ILRUN: variants seen among roughly 807,000 people sequenced by gnomAD.
ILRUN encodes protein ILRUN.
In ILRUN, 3 loss-of-function variants were observed where a neutral mutation model predicts 33.8. The observed-to-expected ratio is 0.09, with a 90% confidence interval of 0.04 to 0.23. The LOEUF (loss-of-function observed/expected upper bound fraction) is 0.23. ILRUN is among the 10% of genes least tolerant of loss of function. ILRUN has a pLI of 1.00. For synonymous variants in ILRUN, 124 were observed against 138.9 expected, an observed-to-expected ratio of 0.89 and a Z score of 0.75; for missense variants, 210 against 375.1, an observed-to-expected ratio of 0.56 and a Z score of 3.64.
In ILRUN at chr6:34,696,730, C is replaced by G; in HGVS notation, c.-127G>C. 1.1e-6 allele frequency: 1 copy of G among 924,828 alleles called. No individual in the cohort carries two copies. Among genetic ancestry groups the G allele is most frequent in the Non-Finnish European group, 1.6e-6 (1 of 623,062 alleles). The allele number at this position is 924,828 out of a possible 1,614,324, so 57.3% of individuals were successfully genotyped here. ...CGACCCCGCTCCTTTGAGGTAGGCC[C>G]CGGGCCTCTCACAGTCTCATAGGGG... On this transcript the variant is annotated 5_prime_UTR_variant, in exon 1 of 5. Transcript: ENST00000374023.
intron 3 of ILRUN, among the ~76,000 whole-genome samples, chr6:34,632,962 T>G (rs1478391937): frequency 6.6e-6 from 1 of 152,220 alleles, no homozygotes; most frequent in African/African-American, 2.4e-5. Context: ...ATAATTATAT[T>G]AAATGTGAAT....
At position 34,590,415 on chromosome 6, in the gene ILRUN, G is replaced by T. The variant is rs893984185; in HGVS notation, c.*150C>A. On this transcript the variant is annotated 3_prime_UTR_variant, in exon 5 of 5. Coordinates refer to ENST00000374023, the MANE Select transcript of ILRUN (RefSeq NM_024294.4). ...TACTGAGTTTACTCAAAACTAGTCT[G>T]TTCTGCTTCTTCCTCTTCTTCCGGG... 2.7e-5 allele frequency: 30 copies of T among 1,123,058 alleles called. No homozygotes were observed. The highest frequency in any genetic ancestry group is 3.6e-5 in the Non-Finnish European group (29 of 794,618). 69.6% of individuals were successfully genotyped at this position (1,123,058 alleles called of 1,614,324 possible).
intron 1 of ILRUN, among the ~76,000 whole-genome samples, chr6:34,666,810 T>C (rs1763016389): frequency 6.6e-6 from 1 of 152,218 alleles, no homozygotes; most frequent in South Asian, 2.1e-4. Flanking sequence ...CCTGTTGTAC[T>C]TGCAAACAAT....
At chr6:34,673,830 CAT>C (rs1338010085) in intron 1 of ILRUN, among the ~76,000 whole-genome samples, 2 of 122,842 alleles carry the variant, frequency 1.6e-5, no homozygotes, top group Admixed American at 1.6e-4. Flanking sequence ...GTAACAACCA[CAT>C]ACACACACAC....
chr6:34,677,947 C>CAAAAAAAAA (rs200840957), intron 1 of ILRUN, among the ~76,000 whole-genome samples: 2 of 74,370 alleles, frequency 2.7e-5, no homozygotes, highest in Non-Finnish European at 2.8e-5. Context: ...ATCCTGCCTC[C>CAAAAAAAAA]AAAAAAAAAA....
rs181275247 is a variant in ILRUN, at chr6:34,587,865, C to T, written c.*2700G>A. ...TTCCCAAGTCTGAACCCCTCTGTCTCCCCAACTGGGTTCAGACCCTATCAC... is the reference window on the plus strand; with the variant it reads ...TTCCCAAGTCTGAACCCCTCTGTCTTCCCAACTGGGTTCAGACCCTATCAC... On this transcript the variant is annotated 3_prime_UTR_variant, in exon 5 of 5. Coordinates refer to ENST00000374023, the MANE Select transcript of ILRUN (RefSeq NM_024294.4). 91 of 393,196 alleles carry T rather than the reference C, an allele frequency of 2.3e-4. No individual in the cohort carries two copies. Among genetic ancestry groups the T allele is most frequent in the African/African-American group, 1.7e-3 (82 of 47,374 alleles). 24.4% of individuals were successfully genotyped at this position (393,196 alleles called of 1,614,324 possible).
chr6:34,616,813 T>C, intron 3 of ILRUN: 1 of 697,960 alleles, frequency 1.4e-6, no homozygotes, highest in Middle Eastern at 2.9e-4. Flanking sequence ...GTATCAATGG[T>C]GTGAACCCAA....
chr6:34,603,411 G>A (rs922263937), intron 4 of ILRUN, among the ~76,000 whole-genome samples: 5 of 152,160 alleles, frequency 3.3e-5, no homozygotes, highest in African/African-American at 1.2e-4. Context: ...GAGGCGGGCG[G>A]ATCACGGGGT....
intron 2 of ILRUN, among the ~76,000 whole-genome samples, chr6:34,647,647 C>T (rs1762585076): frequency 6.6e-6 from 1 of 152,162 alleles, no homozygotes; most frequent in Admixed American, 6.5e-5. Flanking sequence ...TCACTGCAAC[C>T]TCCGCCTTCT....
chr6:34,678,126 T>G (rs1763277559), intron 1 of ILRUN, among the ~76,000 whole-genome samples: 1 of 152,146 alleles, frequency 6.6e-6, no homozygotes, highest in Non-Finnish European at 1.5e-5. Flanking sequence ...CACTGCAACC[T>G]CCGCCTGAGT....
intron 2 of ILRUN, among the ~76,000 whole-genome samples, chr6:34,653,713 A>G (rs1389772072): frequency 2.0e-5 from 3 of 151,980 alleles, no homozygotes; most frequent in African/African-American, 7.3e-5. Flanking sequence ...GGCCATGTGC[A>G]GTGTACATAT....
In ILRUN at chr6:34,669,546, T is replaced by C. The variant is rs185034794; in HGVS notation, c.159-14767A>G. Among the ~76,000 whole-genome samples the C allele has an allele frequency of 5.3e-5, 8 of 152,294 alleles. No individual in the cohort carries two copies. The East Asian group carries it at 1.2e-3, about 22-fold the overall frequency. ...CTTCCAGAACCACACAACTTGTACA[T>C]TGGTCTCCAGAACCATCGATGTGGT... On this transcript the variant is annotated intron_variant, in intron 1 of 4. Transcript: ENST00000374023.
chr6:34,683,853 T>C (rs184198147), intron 1 of ILRUN, among the ~76,000 whole-genome samples: 9 of 152,204 alleles, frequency 5.9e-5, no homozygotes, highest in Non-Finnish European at 1.2e-4. Flanking sequence ...GCTTGAGCTC[T>C]GGAGTTTGAG....
intron 1 of ILRUN, among the ~76,000 whole-genome samples, chr6:34,664,815 T>C (rs1762960780): frequency 6.6e-6 from 1 of 152,202 alleles, no homozygotes; most frequent in Non-Finnish European, 1.5e-5. Flanking sequence ...TGGTTTAAAA[T>C]AGCAGTTACG....
Position 34,640,173 on chromosome 6 carries a change from A to G in ILRUN, c.511+6428T>C, listed in dbSNP as rs1762440898. Among the ~76,000 whole-genome samples the G allele has an allele frequency of 3.3e-5, 5 of 152,308 alleles. 1 individual carries two copies. In the South Asian group the frequency reaches 1.0e-3, roughly 32 times the overall value. ...GTGGGGGACAGTGTTTGTTATCAAG[A>G]TAAACAGGTGAAGCCACGGATCTTT... On this transcript the variant is annotated intron_variant, in intron 3 of 4. Transcript: ENST00000374023.
chr6:34,619,469 C>T (rs577309770), intron 3 of ILRUN, among the ~76,000 whole-genome samples: 19 of 152,212 alleles, frequency 1.2e-4, no homozygotes, highest in East Asian at 5.8e-4. Context: ...GATCCTCCCC[C>T]CTCAACCTCT....
At chr6:34,661,243 T>C (rs531476556) in intron 1 of ILRUN, among the ~76,000 whole-genome samples, 30 of 152,358 alleles carry the variant, frequency 2.0e-4, no homozygotes, top group African/African-American at 7.0e-4. Flanking sequence ...AGAATATCCT[T>C]GTTTTTAAAA....
chr6:34,605,307 CAAAACA>C, intron 4 of ILRUN, among the ~76,000 whole-genome samples: 1 of 73,298 alleles, frequency 1.4e-5, no homozygotes, highest in East Asian at 5.6e-4. Context: ...ACTCCGTCTC[CAAAACA>C]AAAACAAAAA....
At chr6:34,685,926 T>C (rs950721125) in intron 1 of ILRUN, among the ~76,000 whole-genome samples, 1 of 152,104 alleles carries the variant, frequency 6.6e-6, no homozygotes, top group African/African-American at 2.4e-5. Flanking sequence ...GATATCCATA[T>C]ACAAAATGGA....
Sources: allele counts gnomAD v4.1 joint callset (sites outside exome capture counted in the v4.1 genomes callset), GRCh38; gene constraint gnomAD v4.1.1; transcripts MANE v1.5; gene names NCBI Gene and HGNC (gene_info 2026-07-23, HGNC 2026-07-21).